Variants in FUT9 observed in about 807,000 individuals in gnomAD.
FUT9 encodes fucosyltransferase 9, also known as 4-galactosyl-N-acetylglucosaminide 3-alpha-L-fucosyltransferase 9.
In FUT9, 15 loss-of-function variants were observed where a neutral mutation model predicts 29.7. The ratio of observed to expected loss-of-function variants is 0.51; its 90% CI spans 0.34 to 0.78. The LOEUF is 0.78. Ranked by LOEUF, FUT9 falls within the 30% of genes least tolerant of loss-of-function variation. The pLI is 0.01. For synonymous variants in FUT9, 169 were observed against 153.7 expected (o/e 1.10, Z -0.74); for missense variants, 319 against 425.4 (o/e 0.75, Z 2.20).
chr6:96,104,482 A>T (rs553671978), intron 1 of FUT9, among the ~76,000 whole-genome samples: 1 of 152,336 alleles, frequency 6.6e-6, no homozygotes, highest in South Asian at 2.1e-4. Context: ...AAGGACATTG[A>T]TGAAAAATGT....
chr6:96,162,189 G>A (rs1262031659), intron 2 of FUT9, among the ~76,000 whole-genome samples: 3 of 152,004 alleles, frequency 2.0e-5, no homozygotes, highest in East Asian at 1.9e-4. Context: ...GTTCTGATGC[G>A]TGCTTTTTCT....
chr6:96,185,456 G>T (rs1025595493), intron 2 of FUT9, among the ~76,000 whole-genome samples: 3 of 152,022 alleles, frequency 2.0e-5, no homozygotes, highest in Admixed American at 2.0e-4. Context: ...TGAATAATGT[G>T]GCTATTTGTG....
At chr6:96,128,742 A>G (rs1385149801) in intron 2 of FUT9, among the ~76,000 whole-genome samples, 4 of 152,186 alleles carry the variant, frequency 2.6e-5, no homozygotes, top group Non-Finnish European at 4.4e-5. Context: ...AATAGGAGAA[A>G]AGTAAAATAT....
At chr6:96,128,920 T>C (rs1310471943) in intron 2 of FUT9, among the ~76,000 whole-genome samples, 1 of 148,858 alleles carries the variant, frequency 6.7e-6, no homozygotes, top group Non-Finnish European at 1.5e-5. Flanking sequence ...AGCCCAGGAG[T>C]TCAAGATCAG....
intron 1 of FUT9, among the ~76,000 whole-genome samples, chr6:96,045,909 C>T (rs1770555127): frequency 6.6e-6 from 1 of 152,206 alleles, no homozygotes; most frequent in South Asian, 2.1e-4. Flanking sequence ...CTAGTTGAAC[C>T]TCAAAGAGGC....
At chr6:96,071,496 T>C (rs1433120946) in intron 1 of FUT9, among the ~76,000 whole-genome samples, 1 of 152,200 alleles carries the variant, frequency 6.6e-6, no homozygotes, top group African/African-American at 2.4e-5. Flanking sequence ...TGATTAATGA[T>C]CACAGATAAA....
intron 2 of FUT9, among the ~76,000 whole-genome samples, chr6:96,198,187 T>C (rs937324465): frequency 1.3e-4 from 20 of 152,048 alleles, no homozygotes; most frequent in Non-Finnish European, 2.4e-4. Context: ...TACATATGTA[T>C]ACATGTGCCA....
At chr6:96,173,716 A>C (rs1773154319) in intron 2 of FUT9, among the ~76,000 whole-genome samples, 1 of 151,976 alleles carries the variant, frequency 6.6e-6, no homozygotes, top group Admixed American at 6.6e-5. Context: ...TATATTTACA[A>C]TATGCTAAAT....
rs1330586252 is a variant in FUT9, at chr6:96,203,410, G to A, written c.255G>A (p.Met85Ile). Reference protein sequence around the residue: ...QTFDLTSCQAMFNIQGCHLTT... With the variant: ...QTFDLTSCQAIFNIQGCHLTT... ...TTGACCTTACATCCTGCCAAGCAAT[G>A]TTCAACATCCAAGGATGCCATCTCA... The change falls in exon 3 of 3, where the codon ATG (methionine) becomes ATA (isoleucine). Residue 85 changes from methionine (M) to isoleucine (I), a missense_variant. Coordinates refer to ENST00000302103, the MANE Select transcript of FUT9 (RefSeq NM_006581.4). The A allele has an allele frequency of 1.2e-6, 2 of 1,609,778 alleles. No homozygotes were observed. The highest frequency in any genetic ancestry group is 1.7e-6 in the Non-Finnish European group (2 of 1,177,208).
At chr6:96,019,432 C>T (rs972375461) in intron 1 of FUT9, among the ~76,000 whole-genome samples, 4 of 151,790 alleles carry the variant, frequency 2.6e-5, no homozygotes, top group African/African-American at 9.7e-5. Context: ...TTATAAAATG[C>T]AAATTTTATA....
intron 1 of FUT9, among the ~76,000 whole-genome samples, chr6:96,108,423 C>T (rs1029432496): frequency 3.3e-5 from 5 of 152,102 alleles, no homozygotes; most frequent in Non-Finnish European, 5.9e-5. Flanking sequence ...ATCTCTAAAA[C>T]TGGAATAGTA....
intron 2 of FUT9, among the ~76,000 whole-genome samples, chr6:96,151,016 A>G (rs770961764): frequency 6.6e-6 from 1 of 152,200 alleles, no homozygotes; most frequent in Non-Finnish European, 1.5e-5. Context: ...GGCAAGGAAA[A>G]GTGTGATTCC....
chr6:96,165,545 C>T (rs1172024699), intron 2 of FUT9, among the ~76,000 whole-genome samples: 1 of 150,504 alleles, frequency 6.6e-6, no homozygotes, highest in Non-Finnish European at 1.5e-5. Context: ...AGACCCAACC[C>T]AATGCAAAGA....
chr6:96,128,114 A>G lies in FUT9; in HGVS notation c.-9+13987A>G, dbSNP rs138642826. 3.7e-4 allele frequency among the ~76,000 whole-genome samples: 56 copies of G among 152,258 alleles called. 1 individual carries two copies. The East Asian group carries it at 9.3e-3, about 25-fold the overall frequency. ...GCTTTTTAAGCCAAATTTAACAAGC[A>G]ATAAACTTTTAAAATTAACAGATTC... On this transcript the variant is annotated intron_variant, in intron 2 of 2. Transcript: ENST00000302103.
intron 2 of FUT9, among the ~76,000 whole-genome samples, chr6:96,138,804 T>C (rs1772408323): frequency 6.6e-6 from 1 of 152,206 alleles, no homozygotes; most frequent in Admixed American, 6.6e-5. Context: ...TTATCTTTTC[T>C]GCAGCATGTG....
rs1771865843 is a variant in FUT9 at position 96,114,019 on chromosome 6, T to A, written c.-97-20T>A. The A allele has an allele frequency of 6.6e-6, 1 of 152,192 alleles. No homozygotes were observed. The highest frequency in any genetic ancestry group is 1.5e-5 in the Non-Finnish European group (1 of 68,034). 9.4% of individuals were successfully genotyped at this position (152,192 alleles called of 1,614,324 possible). ...CAGTGCATTTAACTAACATACTACT[T>A]TATTTCTCTTTCTCATCAGATTTAG... On this transcript the variant is annotated intron_variant, in intron 1 of 2. Coordinates refer to ENST00000302103, the MANE Select transcript of FUT9 (RefSeq NM_006581.4).
At chr6:96,135,068 G>T (rs191849968) in intron 2 of FUT9, among the ~76,000 whole-genome samples, 1 of 151,954 alleles carries the variant, frequency 6.6e-6, no homozygotes, top group Non-Finnish European at 1.5e-5. Flanking sequence ...GGAGTAACAT[G>T]TTGCTTGGAA....
At chr6:96,096,505 T>C (rs921758315) in intron 1 of FUT9, among the ~76,000 whole-genome samples, 1 of 152,120 alleles carries the variant, frequency 6.6e-6, no homozygotes, top group Non-Finnish European at 1.5e-5. Flanking sequence ...TTTATAAGAA[T>C]TTACCTAATC....
chr6:96,193,382 A>C, intron 2 of FUT9, among the ~76,000 whole-genome samples: 1 of 124,002 alleles, frequency 8.1e-6, no homozygotes, highest in Non-Finnish European at 1.7e-5. Context: ...CCCATCAGAA[A>C]GTGGGCGAAG....
Sources: allele counts gnomAD v4.1 joint callset (sites outside exome capture counted in the v4.1 genomes callset), GRCh38; gene constraint gnomAD v4.1.1; transcripts MANE v1.5; gene names NCBI Gene and HGNC (gene_info 2026-07-23, HGNC 2026-07-21).